Variants in CUBN observed in about 807,000 individuals in gnomAD.
The protein encoded by CUBN is cubilin, also known as 460 kDa receptor.
A neutral mutation model predicts 405.3 loss-of-function variants in CUBN; 282 were observed. The ratio of observed to expected loss-of-function variants is 0.70; its 90% confidence interval spans 0.63 to 0.77. The LOEUF (loss-of-function observed/expected upper bound fraction) is 0.77, where lower values mean the gene tolerates loss of function less well. Ranked by LOEUF, CUBN falls within the 30% of genes least tolerant of loss-of-function variation. CUBN has a pLI of 0.00. For missense variants in CUBN, 4,514 were observed against 4,475.2 expected (o/e 1.01, Z -0.25); for synonymous variants, 1,684 against 1,617.0 (o/e 1.04, Z -0.99).
chr10:17,100,155 A>C lies in CUBN; in HGVS notation c.1615T>G (p.Ser539Ala). ...HEFLQVYDGD[S>A]SSAFQLGRFC... ...CTTCCAAGTTGAAAAGCAGAAGAGG[A>C]ATCTCCATCATAAACCTGAAGAAAC... Residue 539 changes from serine (S) to alanine (A), a missense_variant, in exon 14 of 67, where the codon TCC becomes GCC. By Grantham distance (99) the Ser-to-Ala change is moderately conservative (BLOSUM62 1). Transcript: ENST00000377833. The C allele has an allele frequency of 1.9e-6, 3 of 1,614,040 alleles. No individual in the cohort carries two copies. The highest frequency in any genetic ancestry group is 1.7e-6 in the Non-Finnish European group (2 of 1,179,912).
Position 16,854,936 on chromosome 10 carries a change from C to CCTT in CUBN, c.9455-3494_9455-3493insAAG, listed in dbSNP as rs1564387641. Among the ~76,000 whole-genome samples the CCTT allele has an allele frequency of 2.2e-4, 28 of 125,734 alleles. No individual in the cohort carries two copies. In the South Asian group the frequency reaches 3.7e-3, roughly 17 times the overall value. 82.5% of individuals were successfully genotyped at this position (125,734 alleles called of 152,430 possible). A position where few individuals can be genotyped will look rare whatever the true frequency, so the allele number is the denominator to read the frequency against. ...TTCCTTCCTTCCTTCCTTCCTTCCTCCCTCCCTCCCTCCCTTCCTCTCTTC... is the reference window on the plus strand; with the variant it reads ...TTCCTTCCTTCCTTCCTTCCTTCCTCCTTCCTCCCTCCCTCCCTTCCTCTCTTC... On this transcript the variant is annotated intron_variant, in intron 59 of 66. Transcript: ENST00000377833.
intron 31 of CUBN, among the ~76,000 whole-genome samples, chr10:16,971,160 C>G (rs1277962657): frequency 6.6e-6 from 1 of 152,208 alleles, no homozygotes; most frequent in Non-Finnish European, 1.5e-5. Flanking sequence ...GAATATTTTT[C>G]TCTTTGCTAA....
At chr10:16,910,263 TTTC>T (rs1423714212) in intron 48 of CUBN, among the ~76,000 whole-genome samples, 7 of 152,032 alleles carry the variant, frequency 4.6e-5, no homozygotes, top group Non-Finnish European at 8.8e-5. Flanking sequence ...TCTCCTTCTC[TTTC>T]TTCTTCTTCC....
At chr10:17,082,339 G>A (rs185376149) in intron 17 of CUBN, among the ~76,000 whole-genome samples, 4 of 152,246 alleles carry the variant, frequency 2.6e-5, no homozygotes, top group African/African-American at 9.6e-5. Context: ...TCCCCTTCTG[G>A]CTACAAAACA....
chr10:16,838,301 T>C (rs191093417), intron 62 of CUBN, among the ~76,000 whole-genome samples: 1 of 152,056 alleles, frequency 6.6e-6, no homozygotes, highest in Admixed American at 6.5e-5. Flanking sequence ...CCCTGAAAAC[T>C]CAGAAGACAA....
intron 59 of CUBN, among the ~76,000 whole-genome samples, chr10:16,864,361 A>G (rs763918637): frequency 2.6e-5 from 4 of 152,074 alleles, no homozygotes; most frequent in Non-Finnish European, 5.9e-5. Context: ...CCCCACCCTC[A>G]GCCACCCTCC....
At chr10:17,009,139 T>C (rs1410324926) in intron 28 of CUBN, among the ~76,000 whole-genome samples, 1 of 152,230 alleles carries the variant, frequency 6.6e-6, no homozygotes, top group Non-Finnish European at 1.5e-5. Context: ...TGCACAGATC[T>C]AAATGACTAA....
chr10:16,849,603 G>A lies in CUBN; in HGVS notation c.9663+1632C>T, dbSNP rs545241740. On this transcript the variant is annotated intron_variant, in intron 60 of 66. Coordinates refer to ENST00000377833, the MANE Select transcript of CUBN (RefSeq NM_001081.4). Reference sequence around the variant, plus strand: ...AGCATGTAACTAAGTGCTCAAATGGGTATTCCCTCCACAAATTTTCCTTCC... The same window carrying A: ...AGCATGTAACTAAGTGCTCAAATGGATATTCCCTCCACAAATTTTCCTTCC... 5.9e-5 allele frequency among the ~76,000 whole-genome samples: 9 copies of A among 152,180 alleles called. No individual in the cohort carries two copies. In the South Asian group the frequency reaches 1.7e-3, roughly 28 times the overall value.
At chr10:17,001,581 A>G (rs572303190) in intron 28 of CUBN, among the ~76,000 whole-genome samples, 2 of 152,386 alleles carry the variant, frequency 1.3e-5, no homozygotes, top group South Asian at 4.1e-4. Context: ...AGCTGGCTTC[A>G]CTTCTCAAGA....
intron 51 of CUBN, 31 bp downstream of exon 51, chr10:16,903,935 A>C (rs1195630709): frequency 6.8e-7 from 1 of 1,464,798 alleles, no homozygotes; most frequent in Non-Finnish European, 9.4e-7. Context: ...TTTATAAGTA[A>C]TTTTATCAAG....
chr10:17,066,927 A>T (rs896544811), intron 21 of CUBN, among the ~76,000 whole-genome samples: 9 of 152,154 alleles, frequency 5.9e-5, no homozygotes, highest in African/African-American at 2.2e-4. Context: ...AAAACACTGG[A>T]TATCAAGCAA....
rs762622790 is a variant in CUBN, at chr10:16,913,841, C to T, written c.7503G>A (p.Thr2501=). 2.0e-5 allele frequency: 33 copies of T among 1,613,770 alleles called. No individual in the cohort carries two copies. The highest frequency in any genetic ancestry group is 2.0e-4 in the African/African-American group (15 of 74,872). ...CATGCTCATTGTTGCAGGACGGATG[C>T]GTGGCCAGCCTCAGGTTGTTAAACA... The part of the protein sequence containing the change: ...TLMFNNLRLA[T]HPSCNNEHVI... The change falls in exon 48 of 67, where the codon ACG becomes ACA. Residue 2501 remains threonine, a synonymous_variant. Coordinates refer to ENST00000377833, the MANE Select transcript of CUBN (RefSeq NM_001081.4).
chr10:16,957,275 T>A (rs1843090755), intron 31 of CUBN, among the ~76,000 whole-genome samples: 1 of 152,188 alleles, frequency 6.6e-6, no homozygotes. Flanking sequence ...CACAAATGAG[T>A]GACATCATGC....
chr10:17,094,150 C>T (rs1178699802), intron 14 of CUBN, among the ~76,000 whole-genome samples: 1 of 151,868 alleles, frequency 6.6e-6, no homozygotes, highest in Non-Finnish European at 1.5e-5. Flanking sequence ...AATATAAACA[C>T]ACAATAAAAG....
chr10:17,090,973 C>T (rs551620421), intron 14 of CUBN, among the ~76,000 whole-genome samples: 1 of 152,166 alleles, frequency 6.6e-6, no homozygotes, highest in South Asian at 2.1e-4. Flanking sequence ...GACGATGACA[C>T]ACCCAGTACC....
intron 22 of CUBN, among the ~76,000 whole-genome samples, chr10:17,056,535 G>C (rs1333465692): frequency 1.3e-5 from 2 of 151,914 alleles, no homozygotes; most frequent in Non-Finnish European, 2.9e-5. Flanking sequence ...CGTGAACCCG[G>C]GAGTCGGAGC....
chr10:16,865,239 G>T (rs1164762385), intron 59 of CUBN, among the ~76,000 whole-genome samples: 1 of 148,254 alleles, frequency 6.7e-6, no homozygotes, highest in Non-Finnish European at 1.5e-5. Context: ...TAAAGTGCCA[G>T]TATTACAGGC....
chr10:17,069,729 A>T (rs1835695123), intron 19 of CUBN, among the ~76,000 whole-genome samples: 1 of 152,098 alleles, frequency 6.6e-6, no homozygotes, highest in Non-Finnish European at 1.5e-5. Context: ...TTTTTTGTAG[A>T]GATGGGGTCT....
chr10:16,947,470 T>C, intron 35 of CUBN, 103 bp from the exon 36 acceptor site: 1 of 1,203,466 alleles, frequency 8.3e-7, no homozygotes, highest in Non-Finnish European at 1.2e-6. Context: ...TGTAAAAGAA[T>C]AGATAGTATT....
Sources: allele counts gnomAD v4.1 joint callset (sites outside exome capture counted in the v4.1 genomes callset), GRCh38; gene constraint gnomAD v4.1.1; transcripts MANE v1.5; gene names NCBI Gene and HGNC (gene_info 2026-07-23, HGNC 2026-07-21).